The following MPPE1 variants were observed in gnomAD, a reference collection of about 807,000 sequenced individuals.
The protein encoded by MPPE1 is metallo phosphoesterase.
A neutral mutation model predicts 43.8 loss-of-function variants in MPPE1; 28 were observed. The ratio of observed to expected loss-of-function variants is 0.64; its 90% CI spans 0.47 to 0.88. The LOEUF is 0.88. Among genes scored for constraint, MPPE1 ranks in the 40% least tolerant of loss-of-function variants. MPPE1 has a pLI of 0.00. For missense variants in MPPE1, 428 were observed against 492.2 expected (o/e 0.87, Z 1.23); for synonymous variants, 159 against 188.5 (o/e 0.84, Z 1.28).
At chr18:11,893,646 C>T in intron 3 of MPPE1, 70 bp from the exon 4 acceptor site, 6 of 1,219,718 alleles carry the variant, frequency 4.9e-6, no homozygotes, top group Non-Finnish European at 7.2e-6. Context: ...GTATTATGCA[C>T]CATTTAAACA....
At chr18:11,884,782 T>C in intron 10 of MPPE1, 155 bp from the exon 11 acceptor site, 1 of 1,349,184 alleles carries the variant, frequency 7.4e-7, no homozygotes, top group Non-Finnish European at 9.8e-7. Context: ...GGCCCAGCCT[T>C]CTCCCTGCAC....
intron 4 of MPPE1, among the ~76,000 whole-genome samples, chr18:11,892,897 G>A (rs1416680781): frequency 1.3e-5 from 2 of 152,042 alleles, no homozygotes; most frequent in Non-Finnish European, 2.9e-5. Context: ...TTTCTCTTTG[G>A]TTTGTGGAAA....
intron 5 of MPPE1, 63 bp downstream of exon 5, chr18:11,889,324 A>G: frequency 9.2e-7 from 1 of 1,092,246 alleles, no homozygotes; most frequent in Non-Finnish European, 1.3e-6. Context: ...CCTGAATTCC[A>G]ACAGATTTAG....
At chr18:11,904,956 A>G (rs2039567153) in intron 2 of MPPE1, among the ~76,000 whole-genome samples, 6 of 151,332 alleles carry the variant, frequency 4.0e-5, no homozygotes, top group African/African-American at 4.9e-5. Context: ...AAAAAAGAAG[A>G]AAAAAAAAGA....
chr18:11,906,834 A>G (rs917639232), intron 1 of MPPE1, among the ~76,000 whole-genome samples: 5 of 149,618 alleles, frequency 3.3e-5, no homozygotes, highest in Admixed American at 2.0e-4. Flanking sequence ...AGCCTGGGCA[A>G]CAAGAGCGAA....
In MPPE1 at chr18:11,883,679, C is replaced by T. The variant is rs2036786532; in HGVS notation, c.*766G>A. ...TACGAAAACAATATGTTCTGCACAT[C>T]ACATCTGTACTTTTTTTTTTTTAAA... On this transcript the variant is annotated 3_prime_UTR_variant, in exon 11 of 11. Transcript: ENST00000588072. The T allele has an allele frequency of 6.6e-6, 1 of 152,584 alleles. No individual in the cohort carries two copies. 9.5% of individuals were successfully genotyped at this position (152,584 alleles called of 1,614,324 possible).
chr18:11,893,453 AAC>A lies in MPPE1; in HGVS notation c.390+13_390+14del. On this transcript the variant is annotated intron_variant, in intron 4 of 10. Transcript: ENST00000588072. ...CTCACAGCAGGATGAGGGCACCTGG[AAC>A]ACAGAGTCCTACCTCAGGGGTGCTC... 6.3e-7 allele frequency: 1 copy of A among 1,590,342 alleles called. No individual in the cohort carries two copies. Among genetic ancestry groups the A allele is most frequent in the South Asian group, 1.1e-5 (1 of 90,530 alleles).
At chr18:11,898,078 TTTTG>T (rs2038779481) in intron 2 of MPPE1, among the ~76,000 whole-genome samples, 1 of 152,144 alleles carries the variant, frequency 6.6e-6, no homozygotes, top group Non-Finnish European at 1.5e-5. Context: ...TTTTGTTTTG[TTTTG>T]TTTTTGAAAT....
intron 6 of MPPE1, among the ~76,000 whole-genome samples, chr18:11,887,952 C>A (rs918314360): frequency 9.2e-5 from 14 of 152,324 alleles, no homozygotes; most frequent in African/African-American, 3.1e-4. Context: ...CACCTGCAGA[C>A]CTGCTGTGTC....
At chr18:11,896,095 C>CTTTTTTTTTTT (rs1178920790) in intron 3 of MPPE1, among the ~76,000 whole-genome samples, 6 of 80,420 alleles carry the variant, frequency 7.5e-5, no homozygotes, top group Non-Finnish European at 1.2e-4. Flanking sequence ...ATTCTTTATT[C>CTTTTTTTTTTT]TTTTTTTTTT....
At position 11,886,904 on chromosome 18, in the gene MPPE1, G is replaced by C; in HGVS notation, c.678+13C>G. 6.2e-7 allele frequency: 1 copy of C among 1,606,018 alleles called. No individual in the cohort carries two copies. Among genetic ancestry groups the C allele is most frequent in the Non-Finnish European group, 8.5e-7 (1 of 1,174,182 alleles). ...GGACAGAAGGCACCTGTGGCATTCA[G>C]ATGCTCTCCTACCTCTCGGGAGCAG... is the stretch of plus-strand genomic sequence containing the variant. On this transcript the variant is annotated intron_variant, in intron 7 of 10. Transcript: ENST00000588072. This position sits in a 1 kb window ranked among gnomAD's most constrained non-coding sequence, Gnocchi z 4.1.
chr18:11,897,490 T>C (rs1189277346), intron 2 of MPPE1, 134 bp from the exon 3 acceptor site: 4 of 504,586 alleles, frequency 7.9e-6, no homozygotes, highest in South Asian at 2.9e-5. Context: ...TTTACAATAA[T>C]AATATGCCAG....
At chr18:11,896,440 A>C (rs540601761) in intron 3 of MPPE1, among the ~76,000 whole-genome samples, 77 of 152,300 alleles carry the variant, frequency 5.1e-4, no homozygotes, top group Non-Finnish European at 9.6e-4. Context: ...GGTGAAAAAA[A>C]CAATGGACCA....
At chr18:11,890,163 C>T (rs879753475) in intron 4 of MPPE1, among the ~76,000 whole-genome samples, 48 of 151,836 alleles carry the variant, frequency 3.2e-4, no homozygotes, top group Non-Finnish European at 6.2e-4. Context: ...AGGATGGTCG[C>T]GATCTCCTGA....
Position 11,885,771 on chromosome 18 carries a change from G to C in MPPE1, c.913C>G (p.His305Asp), listed in dbSNP as rs1039864091. ...CCGTGGTGCACCTCGCAGGCGCTGT[G>C]CGTGTGGCCACTGAGAACCAGGCGC... ...QPRLVLSGHTHSACEVHHGGR... is the reference protein window; with the variant it reads ...QPRLVLSGHTDSACEVHHGGR... Residue 305 changes from histidine to aspartate, a missense_variant, in exon 10 of 11, where the codon CAC becomes GAC. Around this residue, in one of 3 missense-constraint regions of MPPE1, gnomAD observed 379 missense variants for 402.5 expected, o/e 0.94. Coordinates refer to ENST00000588072, the MANE Select transcript of MPPE1 (RefSeq NM_023075.6). The C allele has an allele frequency of 3.7e-6, 6 of 1,613,218 alleles. No individual in the cohort carries two copies. In the Admixed American group the frequency reaches 8.3e-5, roughly 22 times the overall value.
intron 3 of MPPE1, among the ~76,000 whole-genome samples, chr18:11,896,047 T>C (rs2144526714): frequency 6.6e-6 from 1 of 151,296 alleles, no homozygotes; most frequent in African/African-American, 2.4e-5. Flanking sequence ...TGGTTAAAAC[T>C]CTTAGTAAAA....
rs142688713 is a variant in MPPE1 at position 11,898,667 on chromosome 18, G to C, written c.-92-1311C>G. On this transcript the variant is annotated intron_variant, in intron 2 of 10. Transcript: ENST00000588072. ...TTCGGGCAACTGATTTACCCTACCT[G>C]ACTGACCCTGCTGGGACCCATATTT... Among the ~76,000 whole-genome samples the C allele has an allele frequency of 4.8e-3, 725 of 152,130 alleles. 3 individuals carry two copies. The highest frequency in any genetic ancestry group is 7.6e-3 in the Non-Finnish European group (515 of 68,000).
chr18:11,895,486 C>T (rs2038496550), intron 3 of MPPE1, among the ~76,000 whole-genome samples: 1 of 152,054 alleles, frequency 6.6e-6, no homozygotes, highest in South Asian at 2.1e-4. Flanking sequence ...CCCTGAAAGG[C>T]TTTTTACCCA....
intron 3 of MPPE1, among the ~76,000 whole-genome samples, chr18:11,894,194 C>T (rs1291638216): frequency 2.6e-5 from 4 of 151,820 alleles, no homozygotes; most frequent in Non-Finnish European, 5.9e-5. Flanking sequence ...TTTGGGAGGC[C>T]GAGGTGGGCA....
Sources: gnomAD v4.1 joint callset for allele counts (sites outside exome capture counted in the v4.1 genomes callset) on GRCh38, gnomAD v4.1.1 for gene constraint, gnomAD v4.1.1 regional missense constraint, Gnocchi (gnomAD v3.1) non-coding constraint, MANE v1.5 for transcripts, NCBI Gene and HGNC (gene_info 2026-07-23, HGNC 2026-07-21) for gene names.